PCDHGA9: variants seen among roughly 807,000 people sequenced by gnomAD.
The protein encoded by PCDHGA9 is protocadherin gamma subfamily A, 9.
PCDHGA9 carries 37 observed loss-of-function variants against 62.5 expected under a neutral mutation model. The ratio of observed to expected loss-of-function variants is 0.59; its 90% CI spans 0.46 to 0.78. The LOEUF is 0.78. PCDHGA9 is among the 30% of genes least tolerant of loss of function. The pLI is 0.00. For synonymous variants in PCDHGA9, 459 were observed against 484.6 expected, an observed-to-expected ratio of 0.95 and a Z score of 0.69; for missense variants, 1,138 against 1,166.2, an observed-to-expected ratio of 0.98 and a Z score of 0.35.
At chr5:141,451,050 G>A (rs915545429) in intron 1 of PCDHGA9, among the ~76,000 whole-genome samples, 6 of 151,352 alleles carry the variant, frequency 4.0e-5, no homozygotes, top group South Asian at 4.2e-4. Flanking sequence ...GGCTGGTCTC[G>A]AACTCCTGAC....
chr5:141,501,789 C>T (rs367954511), intron 2 of PCDHGA9, among the ~76,000 whole-genome samples: 1 of 152,262 alleles, frequency 6.6e-6, no homozygotes, highest in South Asian at 2.1e-4. Context: ...TCTCCCTCTG[C>T]TCATCTCTTA....
rs759439765 is a variant in PCDHGA9 at position 141,478,199 on chromosome 5, C to A, written c.2425-16608C>A. ...GAAAAAAAATCTCACCTTTTATCTA[C>A]TTCTTTCTCTAATCCTGGTTTCTGT... On this transcript the variant is annotated intron_variant, in intron 1 of 3. Coordinates refer to ENST00000573521, the MANE Select transcript of PCDHGA9 (RefSeq NM_018921.3). The A allele has an allele frequency of 3.8e-5, 62 of 1,613,938 alleles. No homozygotes were observed. Among genetic ancestry groups the A allele is most frequent in the Non-Finnish European group, 5.0e-5 (59 of 1,180,046 alleles).
intron 1 of PCDHGA9, chr5:141,409,367 G>A: frequency 1.9e-6 from 3 of 1,614,000 alleles, no homozygotes; most frequent in Non-Finnish European, 2.5e-6. Context: ...TATAGAAACA[G>A]ACATTCCATT....
In PCDHGA9 at chr5:141,420,134, G is replaced by A. The variant is rs769225630; in HGVS notation, c.2424+14758G>A. The A allele has an allele frequency of 1.1e-5, 18 of 1,613,952 alleles. No homozygotes were observed. Among genetic ancestry groups the A allele is most frequent in the Non-Finnish European group, 1.4e-5 (17 of 1,179,876 alleles). Reference sequence around the variant, plus strand: ...TGCCTATAATTTTTGTGTGCCTGGGGATCAAATGAATCCAGAATTTAATTT... The same window carrying A: ...TGCCTATAATTTTTGTGTGCCTGGGAATCAAATGAATCCAGAATTTAATTT... On this transcript the variant is annotated intron_variant, in intron 1 of 3. Coordinates refer to ENST00000573521, the MANE Select transcript of PCDHGA9 (RefSeq NM_018921.3).
intron 1 of PCDHGA9, among the ~76,000 whole-genome samples, chr5:141,492,341 C>T (rs2099739551): frequency 6.6e-6 from 1 of 152,222 alleles, no homozygotes; most frequent in East Asian, 1.9e-4. Flanking sequence ...CGAATACCAG[C>T]TTTCACTGCC....
chr5:141,421,512 G>T, intron 1 of PCDHGA9: 2 of 1,614,094 alleles, frequency 1.2e-6, no homozygotes, highest in Non-Finnish European at 1.7e-6. Context: ...ACCGGGAGGA[G>T]CTCTGTGAGA....
rs1185141572 is a variant in PCDHGA9 at position 141,404,910 on chromosome 5, CT to C, written c.1959del (p.Leu654SerfsTer9). 10 of 1,613,936 alleles carry C rather than the reference CT, an allele frequency of 6.2e-6. No homozygotes were observed. Among genetic ancestry groups the C allele is most frequent in the Non-Finnish European group, 8.5e-6 (10 of 1,179,890 alleles). Reference sequence around the variant, plus strand: ...GCTGTACAGGACCATGGCCAGCCCCCTCTCTCGGCCACTGTCACGCTCACAG... The same window carrying C: ...GCTGTACAGGACCATGGCCAGCCCCCCTCTCGGCCACTGTCACGCTCACAG... ...VVAVQDHGQP[P>X]LSATVTLTVA... On this transcript the variant is annotated frameshift_variant, in exon 1 of 4. Transcript: ENST00000573521. LOFTEE classifies it high-confidence loss of function.
intron 1 of PCDHGA9, among the ~76,000 whole-genome samples, chr5:141,406,925 GTAT>G (rs2094866637): frequency 6.6e-6 from 1 of 152,150 alleles, no homozygotes; most frequent in South Asian, 2.1e-4. Flanking sequence ...AGAGAATAAT[GTAT>G]TATTTAATGT....
chr5:141,437,756 T>A (rs1208576922), intron 1 of PCDHGA9, among the ~76,000 whole-genome samples: 1 of 151,718 alleles, frequency 6.6e-6, no homozygotes, highest in Non-Finnish European at 1.5e-5. Flanking sequence ...TTTTTTTTTT[T>A]GAGACAGAGT....
At chr5:141,441,246 C>G (rs2098234855) in intron 1 of PCDHGA9, 1 of 152,136 alleles carries the variant, frequency 6.6e-6, no homozygotes, top group Non-Finnish European at 1.5e-5. Flanking sequence ...ATCACAAGAT[C>G]TTTAAATCAC....
At position 141,485,305 on chromosome 5, in the gene PCDHGA9, T is replaced by C. The variant is rs1344645695; in HGVS notation, c.2425-9502T>C. The C allele has an allele frequency of 3.7e-6, 6 of 1,614,000 alleles. No individual in the cohort carries two copies. In the East Asian group the frequency reaches 1.3e-4, roughly 36 times the overall value. Reference sequence around the variant, plus strand: ...CAGAGGAGTCACAGGAAGGGACTTTTGTAGGGAATGTCGCTCAAGATTTCC... The same window carrying C: ...CAGAGGAGTCACAGGAAGGGACTTTCGTAGGGAATGTCGCTCAAGATTTCC... On this transcript the variant is annotated intron_variant, in intron 1 of 3. Coordinates refer to ENST00000573521, the MANE Select transcript of PCDHGA9 (RefSeq NM_018921.3). This position sits in a 1 kb window ranked among gnomAD's most constrained non-coding sequence, Gnocchi z 5.7.
At chr5:141,483,700 T>C (rs1003495517) in intron 1 of PCDHGA9, among the ~76,000 whole-genome samples, 4 of 152,090 alleles carry the variant, frequency 2.6e-5, no homozygotes, top group Admixed American at 2.6e-4. Context: ...ATTCCTCTTT[T>C]TGACACCAGA....
rs1267965791 is a variant in PCDHGA9, at chr5:141,431,329, G to C, written c.2424+25953G>C. 1 of 1,614,002 alleles carries C rather than the reference G, an allele frequency of 6.2e-7. No individual in the cohort carries two copies. Among genetic ancestry groups the C allele is most frequent in the East Asian group, 2.2e-5 (1 of 44,904 alleles). On this transcript the variant is annotated intron_variant, in intron 1 of 3. Coordinates refer to ENST00000573521, the MANE Select transcript of PCDHGA9 (RefSeq NM_018921.3). The surrounding 1 kb of genome is among the most constrained non-coding windows in gnomAD (Gnocchi z 4.8). ...TGCAAAATGGAGCCGACGGTAGTAA[G>C]TACCCCGAATTGGTGCTGAAACGCG...
chr5:141,499,268 G>C (rs564234341), intron 2 of PCDHGA9, among the ~76,000 whole-genome samples: 1 of 152,224 alleles, frequency 6.6e-6, no homozygotes, highest in South Asian at 2.1e-4. Flanking sequence ...TTGGTCCCTA[G>C]ACTGTTCTCT....
intron 1 of PCDHGA9, among the ~76,000 whole-genome samples, chr5:141,481,105 T>C (rs1357970765): frequency 6.6e-6 from 1 of 152,188 alleles, no homozygotes; most frequent in Non-Finnish European, 1.5e-5. Flanking sequence ...CTCTGGAACC[T>C]ACCAATCCAT....
intron 1 of PCDHGA9, among the ~76,000 whole-genome samples, chr5:141,454,731 G>T (rs1249851832): frequency 6.7e-6 from 1 of 150,262 alleles, no homozygotes; most frequent in Non-Finnish European, 1.5e-5. Context: ...ATATGTTATA[G>T]GATGAAAAGA....
rs746487145 is a variant in PCDHGA9 at position 141,505,415 on chromosome 5, G to A, written c.2506G>A (p.Gly836Ser). 7.4e-6 allele frequency: 12 copies of A among 1,614,074 alleles called. No individual in the cohort carries two copies. The East Asian group carries it at 1.3e-4, about 18-fold the overall frequency. Residue 836 changes from glycine to serine, a missense_variant, in exon 3 of 4, where the codon GGC (glycine) becomes AGC (serine). Gly to Ser is a moderately conservative substitution (Grantham distance 56, BLOSUM62 0). Coordinates refer to ENST00000573521, the MANE Select transcript of PCDHGA9 (RefSeq NM_018921.3). ...CAGCTCCCAAAATGGCGATGACACC[G>A]GCACCTGGCCCAACAACCAGTTTGA... ...TSGSQNGDDT[G>S]TWPNNQFDTE...
intron 2 of PCDHGA9, among the ~76,000 whole-genome samples, chr5:141,504,402 G>A (rs2099837969): frequency 6.6e-6 from 1 of 152,170 alleles, no homozygotes; most frequent in Admixed American, 6.6e-5. Context: ...AGCCAGTGTG[G>A]TGGAGGAACA....
Position 141,409,737 on chromosome 5 carries a change from G to C in PCDHGA9, c.2424+4361G>C, listed in dbSNP as rs199531162. The C allele has an allele frequency of 1.4e-3, 2,254 of 1,613,108 alleles. 2 individuals carry two copies. Among genetic ancestry groups the C allele is most frequent in the Non-Finnish European group, 1.8e-3 (2,079 of 1,179,866 alleles). On this transcript the variant is annotated intron_variant, in intron 1 of 3. Coordinates refer to ENST00000573521, the MANE Select transcript of PCDHGA9 (RefSeq NM_018921.3). ...TACGTGTCAGTGAGCGCGCAGAGCGGGGTGGTGTTCGCGCAGCGCGCCTTT... is the reference window on the plus strand; with the variant it reads ...TACGTGTCAGTGAGCGCGCAGAGCGCGGTGGTGTTCGCGCAGCGCGCCTTT...
Sources: allele counts gnomAD v4.1 joint callset (sites outside exome capture counted in the v4.1 genomes callset), GRCh38; gene constraint gnomAD v4.1.1; non-coding constraint Gnocchi (gnomAD v3.1); transcripts MANE v1.5; gene names NCBI Gene and HGNC (gene_info 2026-07-23, HGNC 2026-07-21).